The following OXSR1 variants were observed in gnomAD, a reference collection of about 807,000 sequenced individuals.
OXSR1 encodes oxidative stress responsive kinase 1.
In OXSR1, 24 loss-of-function variants were observed where a neutral mutation model predicts 79.8. That is an observed-to-expected ratio of 0.30 (90% CI 0.22 to 0.42). The LOEUF (loss-of-function observed/expected upper bound fraction) is 0.42, where lower values mean the gene tolerates loss of function less well. Among genes scored for constraint, OXSR1 ranks in the 10% least tolerant of loss-of-function variants. The pLI, the probability that OXSR1 is intolerant of heterozygous loss-of-function variation, is 1.00. For missense variants in OXSR1, 430 were observed against 618.4 expected (o/e 0.70, Z 3.23); for synonymous variants, 226 against 209.2 (o/e 1.08, Z -0.69).
intron 1 of OXSR1, among the ~76,000 whole-genome samples, chr3:38,177,533 G>A (rs927486267): frequency 2.0e-5 from 3 of 152,168 alleles, no homozygotes; most frequent in Admixed American, 1.3e-4. Context: ...GTTATTGAAT[G>A]CTAAATATGT....
intron 8 of OXSR1, among the ~76,000 whole-genome samples, chr3:38,225,618 T>TA (rs1391185581): frequency 6.6e-6 from 1 of 152,162 alleles, no homozygotes; most frequent in Admixed American, 6.5e-5. Flanking sequence ...AGGAAACACT[T>TA]TTCTTTTATC....
intron 4 of OXSR1, among the ~76,000 whole-genome samples, chr3:38,210,240 T>C (rs1019572592): frequency 6.6e-5 from 10 of 152,258 alleles, no homozygotes; most frequent in African/African-American, 2.4e-4. Flanking sequence ...CCTGTGCTCC[T>C]GGGCTATCAA....
At chr3:38,218,410 T>C (rs1702526900) in intron 5 of OXSR1, among the ~76,000 whole-genome samples, 1 of 152,198 alleles carries the variant, frequency 6.6e-6, no homozygotes, top group East Asian at 1.9e-4. Context: ...TATTTCCCTA[T>C]TGATTAGTGA....
chr3:38,201,141 A>G (rs1702156012), intron 4 of OXSR1, among the ~76,000 whole-genome samples: 1 of 152,060 alleles, frequency 6.6e-6, no homozygotes, highest in Non-Finnish European at 1.5e-5. Flanking sequence ...CCTGGGCTCA[A>G]GCATTCCTCC....
rs575269499 is a variant in OXSR1 at position 38,248,783 on chromosome 3, G to A, written c.1322+1051G>A. Among the ~76,000 whole-genome samples, 7 of 152,170 alleles carry A rather than the reference G, an allele frequency of 4.6e-5. No homozygotes were observed. In the South Asian group the frequency reaches 1.4e-3, roughly 31 times the overall value. ...CTCAAAAATTCTGAGTTACTAGGATGTCTTGACAACTTCATGCTGTTTTAA... is the reference window on the plus strand; with the variant it reads ...CTCAAAAATTCTGAGTTACTAGGATATCTTGACAACTTCATGCTGTTTTAA... On this transcript the variant is annotated intron_variant, in intron 14 of 17. Coordinates refer to ENST00000311806, the MANE Select transcript of OXSR1 (RefSeq NM_005109.3).
intron 12 of OXSR1, 39 bp downstream of exon 12, chr3:38,242,817 T>C: frequency 7.7e-7 from 1 of 1,294,696 alleles, no homozygotes; most frequent in South Asian, 1.3e-5. Context: ...TTAAAGTAAA[T>C]GTGCTTTTGT....
At chr3:38,174,755 T>C (rs1337296528) in intron 1 of OXSR1, among the ~76,000 whole-genome samples, 1 of 152,156 alleles carries the variant, frequency 6.6e-6, no homozygotes, top group African/African-American at 2.4e-5. Context: ...TTGGATTAGA[T>C]GTGAGAGAAA....
intron 1 of OXSR1, among the ~76,000 whole-genome samples, chr3:38,167,554 A>G (rs746297159): frequency 7.3e-5 from 11 of 149,662 alleles, no homozygotes; most frequent in Non-Finnish European, 1.5e-4. Context: ...AACTTCGTGA[A>G]ATAATTTTTG....
intron 3 of OXSR1, among the ~76,000 whole-genome samples, chr3:38,197,045 C>T (rs1021004904): frequency 3.9e-5 from 6 of 152,204 alleles, no homozygotes; most frequent in Non-Finnish European, 7.3e-5. Context: ...GCCTGGATTT[C>T]CTGAACGGTG....
At chr3:38,221,766 C>G (rs963636156) in intron 6 of OXSR1, 79 bp downstream of exon 6, 10 of 770,566 alleles carry the variant, frequency 1.3e-5, no homozygotes, top group Non-Finnish European at 2.2e-5. Context: ...GCTTGCTTTT[C>G]TTTGGCATAC....
chr3:38,241,775 G>T (rs1703040496), intron 11 of OXSR1, among the ~76,000 whole-genome samples: 2 of 150,356 alleles, frequency 1.3e-5, no homozygotes. Context: ...TTGTAGTCTG[G>T]ATGAATTCAT....
intron 16 of OXSR1, among the ~76,000 whole-genome samples, chr3:38,251,821 G>C (rs142046713): frequency 3.3e-4 from 50 of 152,316 alleles, no homozygotes; most frequent in South Asian, 1.2e-3. Flanking sequence ...TAGAGATTTA[G>C]TACTAGAAAA....
intron 3 of OXSR1, among the ~76,000 whole-genome samples, chr3:38,191,400 C>T (rs1333855934): frequency 6.6e-6 from 1 of 151,938 alleles, no homozygotes; most frequent in Admixed American, 6.6e-5. Context: ...TTCCTTCTTG[C>T]TTCCTCCCTT....
At chr3:38,197,407 T>C (rs564005356) in intron 3 of OXSR1, among the ~76,000 whole-genome samples, 3 of 152,362 alleles carry the variant, frequency 2.0e-5, no homozygotes, top group African/African-American at 7.2e-5. Flanking sequence ...CCTTCACTTC[T>C]TCCTCACTTG....
intron 1 of OXSR1, among the ~76,000 whole-genome samples, chr3:38,182,634 T>A (rs1334547044): frequency 6.6e-6 from 1 of 152,226 alleles, no homozygotes; most frequent in Non-Finnish European, 1.5e-5. Flanking sequence ...AGTCTTGAGA[T>A]CCCTAACTAG....
At chr3:38,223,127 G>A (rs534131013) in intron 6 of OXSR1, among the ~76,000 whole-genome samples, 2 of 152,098 alleles carry the variant, frequency 1.3e-5, no homozygotes, top group Admixed American at 1.3e-4. Flanking sequence ...ACACATTAGA[G>A]GTAGCTTTTT....
At chr3:38,211,813 T>G (rs1403331169) in intron 4 of OXSR1, among the ~76,000 whole-genome samples, 1 of 152,214 alleles carries the variant, frequency 6.6e-6, no homozygotes, top group Non-Finnish European at 1.5e-5. Flanking sequence ...TTGAGAATTT[T>G]TTCCTTACTT....
intron 11 of OXSR1, among the ~76,000 whole-genome samples, chr3:38,238,726 C>T (rs893153226): frequency 6.6e-6 from 1 of 151,822 alleles, no homozygotes; most frequent in East Asian, 1.9e-4. Flanking sequence ...TCCCTGGCTG[C>T]TTTTAAGATT....
intron 6 of OXSR1, among the ~76,000 whole-genome samples, chr3:38,222,465 A>T (rs1702608266): frequency 6.6e-6 from 1 of 152,150 alleles, no homozygotes; most frequent in South Asian, 2.1e-4. Context: ...TTGTTGGGCT[A>T]GGAGACATTA....
Sources: allele counts gnomAD v4.1 joint callset (sites outside exome capture counted in the v4.1 genomes callset), GRCh38; gene constraint gnomAD v4.1.1; transcripts MANE v1.5; gene names NCBI Gene and HGNC (gene_info 2026-07-23, HGNC 2026-07-21).